KIF24: variants seen among roughly 807,000 people sequenced by gnomAD.
The protein encoded by KIF24 is kinesin-like protein KIF24.
In KIF24, 81 loss-of-function variants were observed where a neutral mutation model predicts 118.9. The ratio of observed to expected loss-of-function variants is 0.68; its 90% CI spans 0.57 to 0.82. The LOEUF (loss-of-function observed/expected upper bound fraction) is 0.82, where lower values mean the gene tolerates loss of function less well. Ranked by LOEUF, KIF24 falls within the 40% of genes least tolerant of loss-of-function variation. KIF24 has a pLI of 0.00. For missense variants in KIF24, 1,560 were observed against 1,661.6 expected (o/e 0.94, Z 1.06); for synonymous variants, 599 against 610.0 (o/e 0.98, Z 0.27).
chr9:34,322,813 G>A (rs1420740254), intron 1 of KIF24, among the ~76,000 whole-genome samples: 3 of 152,050 alleles, frequency 2.0e-5, no homozygotes, highest in Admixed American at 1.3e-4. Flanking sequence ...CCAAGATTGC[G>A]CCACTGCACT....
chr9:34,260,698 C>T (rs193052801), intron 9 of KIF24, among the ~76,000 whole-genome samples: 6 of 152,274 alleles, frequency 3.9e-5, no homozygotes, highest in African/African-American at 9.6e-5. Flanking sequence ...TGGCTGGGGA[C>T]GGTGGCTCAT....
chr9:34,313,097 ATC>A (rs528588606), intron 1 of KIF24, among the ~76,000 whole-genome samples: 43 of 152,348 alleles, frequency 2.8e-4, no homozygotes, highest in Admixed American at 5.9e-4. Context: ...CCCTCATTTC[ATC>A]TAGGCTAGCC....
chr9:34,307,860 G>GAAAA (rs57149308), intron 2 of KIF24, among the ~76,000 whole-genome samples: 1 of 113,994 alleles, frequency 8.8e-6, no homozygotes, highest in African/African-American at 3.6e-5. Flanking sequence ...GACTCTGTCT[G>GAAAA]AAAAAAAAAA....
chr9:34,266,453 C>T (rs555333422), intron 8 of KIF24, among the ~76,000 whole-genome samples: 4 of 151,940 alleles, frequency 2.6e-5, no homozygotes, highest in South Asian at 2.1e-4. Context: ...CCGAAGCAGG[C>T]GAATCACGAG....
intron 4 of KIF24, among the ~76,000 whole-genome samples, chr9:34,294,491 T>C (rs1836384774): frequency 1.3e-5 from 2 of 152,060 alleles, no homozygotes; most frequent in South Asian, 4.1e-4. Context: ...GAGGTTGCGG[T>C]GAGCTGAGAT....
At chr9:34,302,586 C>T (rs1292515706) in intron 3 of KIF24, among the ~76,000 whole-genome samples, 6 of 151,986 alleles carry the variant, frequency 3.9e-5, no homozygotes, top group Admixed American at 2.6e-4. Context: ...CTGCCTCAGC[C>T]TCCCAAGTAG....
intron 1 of KIF24, among the ~76,000 whole-genome samples, chr9:34,322,083 T>C (rs1461212882): frequency 6.6e-6 from 1 of 152,242 alleles, no homozygotes; most frequent in East Asian, 1.9e-4. Flanking sequence ...TTGTACTGTT[T>C]AAAAAATTAG....
At chr9:34,311,630 T>C (rs1410719002) in intron 1 of KIF24, among the ~76,000 whole-genome samples, 1 of 150,734 alleles carries the variant, frequency 6.6e-6, no homozygotes, top group African/African-American at 2.4e-5. Context: ...AGACATTCCA[T>C]TTTACATATG....
intron 11 of KIF24, 61 bp downstream of exon 11, chr9:34,255,670 CAGTA>C: frequency 1.4e-6 from 2 of 1,394,180 alleles, no homozygotes; most frequent in South Asian, 1.4e-5. Flanking sequence ...CATGACAAAA[CAGTA>C]AGCTGGAGTG....
chr9:34,297,004 A>T lies in KIF24; in HGVS notation c.911+13T>A. ...AAATAAAAAGCAAAAAAAGCAAATA[A>T]TCATTATCGTACCCATTGAAAATAT... On this transcript the variant is annotated intron_variant, in intron 4 of 12. Coordinates refer to ENST00000402558, the MANE Select transcript of KIF24 (RefSeq NM_194313.4). 1 of 1,364,414 alleles carries T rather than the reference A, an allele frequency of 7.3e-7. No homozygotes were observed. Among genetic ancestry groups the T allele is most frequent in the Non-Finnish European group, 1.0e-6 (1 of 987,086 alleles). The allele number at this position is 1,364,414 out of a possible 1,614,324, so 84.5% of individuals were successfully genotyped here.
intron 6 of KIF24, among the ~76,000 whole-genome samples, chr9:34,276,325 C>T (rs1006125853): frequency 2.0e-5 from 3 of 151,268 alleles, no homozygotes; most frequent in African/African-American, 7.3e-5. Flanking sequence ...TTGCTTGAAC[C>T]CAGGAGGCGG....
At chr9:34,326,921 T>C (rs971344172) in intron 1 of KIF24, among the ~76,000 whole-genome samples, 4 of 149,510 alleles carry the variant, frequency 2.7e-5, no homozygotes, top group Non-Finnish European at 5.9e-5. Context: ...AGGGAGATCA[T>C]TTAGGAAGCT....
chr9:34,286,949 A>C (rs1836074570), intron 5 of KIF24, among the ~76,000 whole-genome samples: 1 of 152,202 alleles, frequency 6.6e-6, no homozygotes, highest in African/African-American at 2.4e-5. Context: ...TATCTAAACT[A>C]TGCTAATCAG....
At chr9:34,290,474 G>T in intron 4 of KIF24, 85 bp from the exon 5 acceptor site, 1 of 798,546 alleles carries the variant, frequency 1.3e-6, no homozygotes, top group Non-Finnish European at 2.0e-6. Flanking sequence ...AAGGTCAAAT[G>T]TAAACATAGA....
intron 1 of KIF24, among the ~76,000 whole-genome samples, chr9:34,321,550 C>G (rs1290590122): frequency 8.0e-6 from 1 of 125,454 alleles, no homozygotes; most frequent in African/African-American, 2.9e-5. Flanking sequence ...GCACAGTGAT[C>G]TACCGATAGC....
rs1380937376 is a variant in KIF24, at chr9:34,256,720, C to A, written c.2887G>T (p.Asp963Tyr). ...GGGSSFDLRKDASQSEVSGEN... is the reference protein window; with the variant it reads ...GGGSSFDLRKYASQSEVSGEN... ...CCAGAAACCTCACTTTGGGAGGCAT[C>A]CTTTCTGAGATCAAAGGAAGAGCCT... is the stretch of plus-strand genomic sequence containing the variant. Residue 963 changes from aspartate (D) to tyrosine (Y), a missense_variant, in exon 11 of 13, where the codon GAT becomes TAT. Coordinates refer to ENST00000402558, the MANE Select transcript of KIF24 (RefSeq NM_194313.4). The A allele has an allele frequency of 1.2e-6, 2 of 1,613,956 alleles. No individual in the cohort carries two copies. Among genetic ancestry groups the A allele is most frequent in the South Asian group, 2.2e-5 (2 of 91,086 alleles).
chr9:34,300,215 G>A (rs1048473257), intron 3 of KIF24, among the ~76,000 whole-genome samples: 1 of 147,506 alleles, frequency 6.8e-6, no homozygotes, highest in African/African-American at 2.4e-5. Flanking sequence ...ATAGATGTGT[G>A]AACTTTTAGT....
chr9:34,312,997 T>A (rs1215639985), intron 1 of KIF24, among the ~76,000 whole-genome samples: 1 of 152,182 alleles, frequency 6.6e-6, no homozygotes, highest in Admixed American at 6.5e-5. Context: ...CCACACTGGC[T>A]GGTAGATTTG....
Position 34,310,777 on chromosome 9 carries a change from T to C in KIF24, c.570A>G (p.Gln190=). Residue 190 remains glutamine (Q), a synonymous_variant, in exon 2 of 13, where the codon CAA becomes CAG. Transcript: ENST00000402558. ...ILGDCDIPII[Q]RISHVSGYNY... is the part of the protein sequence containing the mutation. ...TATACCCTGAAACATGAGAGATTCT[T>C]TGAATAATGGGAATATCACAATCCC... is the stretch of plus-strand genomic sequence containing the variant. The C allele has an allele frequency of 1.9e-6, 3 of 1,611,244 alleles. No individual in the cohort carries two copies. Among genetic ancestry groups the C allele is most frequent in the Non-Finnish European group, 2.5e-6 (3 of 1,177,778 alleles).
Sources: allele counts gnomAD v4.1 joint callset (sites outside exome capture counted in the v4.1 genomes callset), GRCh38; gene constraint gnomAD v4.1.1; transcripts MANE v1.5; gene names NCBI Gene and HGNC (gene_info 2026-07-23, HGNC 2026-07-21).